Variants in ZBTB49 observed in about 807,000 individuals in gnomAD.
ZBTB49 encodes zinc finger and BTB domain containing 49.
Under a neutral mutation model 57.5 loss-of-function variants are expected in ZBTB49, and 43 were observed. The ratio of observed to expected loss-of-function variants is 0.75; its 90% CI spans 0.59 to 0.97. The LOEUF (loss-of-function observed/expected upper bound fraction) is 0.97. Among genes scored for constraint, ZBTB49 ranks in the 50% least tolerant of loss-of-function variants. ZBTB49 has a pLI of 0.00. For synonymous variants in ZBTB49, 369 were observed against 362.1 expected (o/e 1.02, Z -0.22); for missense variants, 938 against 947.7 (o/e 0.99, Z 0.13).
In ZBTB49 at chr4:4,294,872, C is replaced by CGTGTATGTGTGTGTGTGT. The variant is rs1553803052; in HGVS notation, c.-20+4524_-20+4525insATGTGTGTGTGTGTGTGT. Among the ~76,000 whole-genome samples, 146 of 138,126 alleles carry CGTGTATGTGTGTGTGTGT rather than the reference C, an allele frequency of 1.1e-3. 4 individuals are homozygous for CGTGTATGTGTGTGTGTGT. The East Asian group carries it at 0.023, about 22-fold the overall frequency. 90.6% of individuals were successfully genotyped at this position (138,126 alleles called of 152,430 possible). On this transcript the variant is annotated intron_variant, in intron 1 of 7. Transcript: ENST00000337872. The stretch of plus-strand genomic sequence containing the variant: ...TTAACAGGTCTGTGGAGGAGGGTTT[C>CGTGTATGTGTGTGTGTGT]GTGTGTGTGTGTGTGTGTGTGTGTG...
intron 3 of ZBTB49, among the ~76,000 whole-genome samples, chr4:4,304,761 C>T (rs1324822052): frequency 2.6e-5 from 4 of 152,066 alleles, no homozygotes; most frequent in East Asian, 1.9e-4. Flanking sequence ...GTTTTTTCCT[C>T]CTCTTATGAG....
At position 4,321,130 on chromosome 4, in the gene ZBTB49, G is replaced by T. The variant is rs1721398232; in HGVS notation, c.2112G>T (p.Leu704=). 6.2e-7 allele frequency: 1 copy of T among 1,614,190 alleles called. No individual in the cohort carries two copies. The highest frequency in any genetic ancestry group is 1.1e-5 in the South Asian group (1 of 91,084). Residue 704 remains leucine, a synonymous_variant, in exon 8 of 8, where the codon CTG becomes CTT. Transcript: ENST00000337872. ...ACACCCCAGCCGGTGGCGAACCACT[G>T]CAGGCCGATGGCATGGCCATGATCC... ...DVDTPAGGEP[L]QADGMAMIRS...
At chr4:4,290,828 G>T (rs1256747280) in intron 1 of ZBTB49, among the ~76,000 whole-genome samples, 1 of 152,208 alleles carries the variant, frequency 6.6e-6, no homozygotes, top group Non-Finnish European at 1.5e-5. Flanking sequence ...CCTCAGCCCC[G>T]CATCTGTAAA....
intron 4 of ZBTB49, among the ~76,000 whole-genome samples, chr4:4,311,081 A>G (rs1220276573): frequency 6.6e-6 from 1 of 152,198 alleles, no homozygotes; most frequent in African/African-American, 2.4e-5. Context: ...GCATTCCTGT[A>G]TCAGGGAGAA....
chr4:4,291,128 G>A (rs1719884089), intron 1 of ZBTB49, among the ~76,000 whole-genome samples: 1 of 152,164 alleles, frequency 6.6e-6, no homozygotes, highest in East Asian at 1.9e-4. Context: ...AGCAGTGTTG[G>A]GCCTGGAATA....
In ZBTB49 at chr4:4,302,212, C is replaced by A; in HGVS notation, c.376C>A (p.Pro126Thr). Reference protein sequence around the residue: ...FLKSATVVQPPGMPCNSTLSL... With the variant: ...FLKSATVVQPTGMPCNSTLSL... Reference sequence around the variant, plus strand: ...AAAATCAGCCACTGTAGTACAGCCACCTGGCATGCCTTGTAATAGTACATT... The same window carrying A: ...AAAATCAGCCACTGTAGTACAGCCAACTGGCATGCCTTGTAATAGTACATT... The change falls in exon 3 of 8, where the codon CCT becomes ACT. Residue 126 changes from proline (P) to threonine (T), a missense_variant. Transcript: ENST00000337872. 1 of 1,614,252 alleles carries A rather than the reference C, an allele frequency of 6.2e-7. No homozygotes were observed. The highest frequency in any genetic ancestry group is 1.7e-5 in the Admixed American group (1 of 60,032).
Position 4,300,019 on chromosome 4 carries a change from G to A in ZBTB49, c.74G>A (p.Cys25Tyr). The A allele has an allele frequency of 6.2e-7, 1 of 1,614,194 alleles. No individual in the cohort carries two copies. Among genetic ancestry groups the A allele is most frequent in the Non-Finnish European group, 8.5e-7 (1 of 1,180,042 alleles). ...GAGCAGCGAATCCAAGGCCTGCTTT[G>A]TGACTGTATGTTGGTGGTAAAAGGA... ...LHEQRIQGLL[C>Y]DCMLVVKGVC... The change falls in exon 2 of 8, where the codon TGT (cysteine) becomes TAT (tyrosine). Residue 25 changes from cysteine to tyrosine, a missense_variant. By Grantham distance (194) the Cys-to-Tyr change is radical (BLOSUM62 -2). This residue lies in a region of ZBTB49 where 100 missense variants were observed against 112.5 expected (regional missense o/e 0.89). Transcript: ENST00000337872.
chr4:4,313,917 G>C (rs1721081086), intron 5 of ZBTB49, among the ~76,000 whole-genome samples: 1 of 152,188 alleles, frequency 6.6e-6, no homozygotes. Flanking sequence ...GACACCTGCT[G>C]TATGCCAAGT....
chr4:4,318,270 G>A (rs1281933874), intron 7 of ZBTB49, among the ~76,000 whole-genome samples: 4 of 152,218 alleles, frequency 2.6e-5, no homozygotes, highest in African/African-American at 9.6e-5. Context: ...GTCCCATCTT[G>A]TTCAGTAATT....
In ZBTB49 at chr4:4,321,164, C is replaced by T. The variant is rs1056956108; in HGVS notation, c.2146C>T (p.Leu716=). The change falls in exon 8 of 8, where the codon CTG becomes TTG. Residue 716 remains leucine (L), a synonymous_variant. Coordinates refer to ENST00000337872, the MANE Select transcript of ZBTB49 (RefSeq NM_145291.4). ...TGGCATGGCCATGATCCGTTCCTCT[C>T]TGGCTGCTTTGGACAACCACGGCGG... The part of the protein sequence containing the change: ...ADGMAMIRSS[L]AALDNHGGDP... 3 of 1,614,106 alleles carry T rather than the reference C, an allele frequency of 1.9e-6. No individual in the cohort carries two copies. Among genetic ancestry groups the T allele is most frequent in the South Asian group, 2.2e-5 (2 of 91,090 alleles).
At chr4:4,297,941 G>A (rs981558773) in intron 1 of ZBTB49, among the ~76,000 whole-genome samples, 2 of 152,218 alleles carry the variant, frequency 1.3e-5, no homozygotes, top group East Asian at 1.9e-4. Flanking sequence ...CAGAATCACC[G>A]GAATGCCTGT....
chr4:4,316,311 C>T (rs558540821), intron 7 of ZBTB49, among the ~76,000 whole-genome samples: 1 of 152,234 alleles, frequency 6.6e-6, no homozygotes, highest in South Asian at 2.1e-4. Context: ...GCAGCGGTCC[C>T]GCCAGAGCAT....
At chr4:4,303,278 G>A (rs1487016940) in intron 3 of ZBTB49, among the ~76,000 whole-genome samples, 187 bp downstream of exon 3, 1 of 152,110 alleles carries the variant, frequency 6.6e-6, no homozygotes, top group Non-Finnish European at 1.5e-5. Flanking sequence ...TTAAAGTTTT[G>A]TAAATGGTTT....
chr4:4,301,872 A>C, intron 2 of ZBTB49, 117 bp from the exon 3 acceptor site: 2 of 1,061,634 alleles, frequency 1.9e-6, no homozygotes, highest in Non-Finnish European at 2.5e-6. Flanking sequence ...CTTATGTTAA[A>C]AGTTTTGACA....
chr4:4,304,054 T>C (rs1210735503), intron 3 of ZBTB49, among the ~76,000 whole-genome samples: 1 of 152,120 alleles, frequency 6.6e-6, no homozygotes, highest in African/African-American at 2.4e-5. Context: ...TCTTTGATAA[T>C]TGTGAAGGCC....
chr4:4,300,377 G>C (rs182344570), intron 2 of ZBTB49, among the ~76,000 whole-genome samples: 19 of 152,048 alleles, frequency 1.2e-4, no homozygotes, highest in Non-Finnish European at 1.5e-4. Context: ...TACTAATTCT[G>C]GCTAATGTCA....
intron 4 of ZBTB49, among the ~76,000 whole-genome samples, chr4:4,309,520 A>C (rs919063024): frequency 2.0e-5 from 3 of 152,296 alleles, no homozygotes; most frequent in Admixed American, 6.5e-5. Flanking sequence ...GTCTTTGGGG[A>C]GAGGAGTAGG....
intron 4 of ZBTB49, among the ~76,000 whole-genome samples, chr4:4,307,183 C>T (rs1009815326): frequency 6.6e-6 from 1 of 152,230 alleles, no homozygotes; most frequent in Admixed American, 6.5e-5. Flanking sequence ...CGTACTCGGT[C>T]GGGTCATGTC....
Position 4,296,818 on chromosome 4 carries a change from A to G in ZBTB49, c.-19-3109A>G, listed in dbSNP as rs61136217. 0.028 allele frequency among the ~76,000 whole-genome samples: 4,297 copies of G among 152,178 alleles called. 402 individuals are homozygous for G. In the East Asian group the frequency reaches 0.32, roughly 11 times the overall value. On this transcript the variant is annotated intron_variant, in intron 1 of 7. Coordinates refer to ENST00000337872, the MANE Select transcript of ZBTB49 (RefSeq NM_145291.4). ...TTTGTTTTCAACATGGGGCAATGTC[A>G]GTGTGTTTGTGTGGAGGAGCCACCA...
Sources: allele counts gnomAD v4.1 joint callset (sites outside exome capture counted in the v4.1 genomes callset), GRCh38; gene constraint gnomAD v4.1.1; regional missense constraint gnomAD v4.1.1; transcripts MANE v1.5; gene names NCBI Gene and HGNC (gene_info 2026-07-23, HGNC 2026-07-21).